The following RER1 variants were observed in gnomAD, a reference collection of about 807,000 sequenced individuals.
The protein encoded by RER1 is retention in endoplasmic reticulum sorting receptor 1.
RER1 carries 6 observed loss-of-function variants against 28.3 expected under a neutral mutation model. The ratio of observed to expected loss-of-function variants is 0.21; its 90% CI spans 0.12 to 0.42. RER1 has a LOEUF of 0.42. RER1 is among the 10% of genes least tolerant of loss of function. RER1 has a pLI of 1.00. For missense variants in RER1, 159 were observed against 252.9 expected (o/e 0.63, Z 2.52); for synonymous variants, 110 against 95.9 (o/e 1.15, Z -0.86).
intron 2 of RER1, 46 bp from the exon 3 acceptor site, chr1:2,397,070 G>A: frequency 7.6e-7 from 1 of 1,322,644 alleles, no homozygotes; most frequent in East Asian, 2.3e-5. Flanking sequence ...GGTCAGTACA[G>A]AAGTTACAGG....
rs1642923240 is a variant in RER1, at chr1:2,404,243, G to A, written c.*1119G>A. On this transcript the variant is annotated 3_prime_UTR_variant, in exon 7 of 7. Transcript: ENST00000605895. ...AGTGTCTGGATTTTCTTGTACCAGT[G>A]TTTACATATCTGACATCGAGCTCCT... is the stretch of plus-strand genomic sequence containing the variant. The A allele has an allele frequency of 6.6e-6, 1 of 152,206 alleles. No individual in the cohort carries two copies. Among genetic ancestry groups the A allele is most frequent in the African/African-American group, 2.4e-5 (1 of 41,434 alleles). The allele number at this position is 152,206 out of a possible 1,614,324, so 9.4% of individuals were successfully genotyped here.
At position 2,397,420 on chromosome 1, in the gene RER1, C is replaced by T. The variant is rs150894129; in HGVS notation, c.186+200C>T. Among the ~76,000 whole-genome samples the T allele has an allele frequency of 1.4e-4, 21 of 152,328 alleles. No individual in the cohort carries two copies. The East Asian group carries it at 3.3e-3, about 24-fold the overall frequency. The stretch of plus-strand genomic sequence containing the variant: ...GTTTATGATTCACCCGGAGTCGCCT[C>T]GCCAGGCTTCTCAGTATACCCAGGC... On this transcript the variant is annotated intron_variant, in intron 3 of 6. Coordinates refer to ENST00000605895, the MANE Select transcript of RER1 (RefSeq NM_007033.5).
At chr1:2,395,975 T>A in intron 2 of RER1, 104 bp downstream of exon 2, 3 of 899,574 alleles carry the variant, frequency 3.3e-6, no homozygotes, top group Non-Finnish European at 5.5e-6. Flanking sequence ...ATGGAGAAGT[T>A]ACTTCGCCTC....
chr1:2,396,149 CAGGACAGAT>C, intron 2 of RER1: 1 of 423,322 alleles, frequency 2.4e-6, no homozygotes, highest in South Asian at 2.4e-5. Flanking sequence ...AGCTCCCAGG[CAGGACAGAT>C]GCGGCCGTGG....
intron 3 of RER1, among the ~76,000 whole-genome samples, chr1:2,397,773 G>A (rs4648838): frequency 0.029 from 4,351 of 152,222 alleles, 80 homozygotes; most frequent in Non-Finnish European, 0.044. Context: ...AGGTGATGTC[G>A]TCTCAGACTT....
chr1:2,395,735 ACACCC>A, intron 1 of RER1, 44 bp from the exon 2 acceptor site: 1 of 1,341,488 alleles, frequency 7.5e-7, no homozygotes, highest in Non-Finnish European at 1.1e-6. Context: ...CCAGGATTTC[ACACCC>A]GTGAATGCTT....
intron 1 of RER1, chr1:2,395,251 G>T: frequency 6.3e-6 from 1 of 158,116 alleles, no homozygotes; most frequent in Non-Finnish European, 1.4e-5. Flanking sequence ...CAGATGGATG[G>T]ACTACCTGAG....
chr1:2,400,205 TC>T (rs1330659835), intron 4 of RER1, among the ~76,000 whole-genome samples: 1 of 152,222 alleles, frequency 6.6e-6, no homozygotes, highest in Non-Finnish European at 1.5e-5. Context: ...AGGACCCTCC[TC>T]GTTCTGGGGG....
intron 4 of RER1, among the ~76,000 whole-genome samples, chr1:2,399,887 CT>C (rs1171426385): frequency 6.6e-6 from 1 of 152,220 alleles, no homozygotes; most frequent in African/African-American, 2.4e-5. Flanking sequence ...ACGAGGTTAC[CT>C]TTTCCCGTAG....
rs2100414582 is a variant in RER1 at position 2,404,471 on chromosome 1, T to C, written c.*1347T>C. 1 of 152,346 alleles carries C rather than the reference T, an allele frequency of 6.6e-6. No homozygotes were observed. The highest frequency in any genetic ancestry group is 1.5e-5 in the Non-Finnish European group (1 of 68,040). The allele number at this position is 152,346 out of a possible 1,614,324, so 9.4% of individuals were successfully genotyped here. A position where few individuals can be genotyped will look rare whatever the true frequency, so the allele number is the denominator to read the frequency against. On this transcript the variant is annotated 3_prime_UTR_variant, in exon 7 of 7. Transcript: ENST00000605895. ...TCGCACGCGCTTGGCCAGAGCACAG[T>C]GAAGCAAAGGACTGGGTGCTGATGG...
At chr1:2,400,529 C>T (rs933571695) in intron 4 of RER1, among the ~76,000 whole-genome samples, 2 of 152,216 alleles carry the variant, frequency 1.3e-5, no homozygotes, top group African/African-American at 2.4e-5. Context: ...TTCTCTGCCG[C>T]TTGCTTTTTA....
chr1:2,399,903 AG>A (rs1165678896), intron 4 of RER1, among the ~76,000 whole-genome samples: 2 of 152,210 alleles, frequency 1.3e-5, no homozygotes, highest in Non-Finnish European at 2.9e-5. Context: ...CCGTAGCCAG[AG>A]GGTTCCACAG....
intron 1 of RER1, 62 bp from the exon 2 acceptor site, chr1:2,395,722 G>C (rs949416075): frequency 2.6e-6 from 3 of 1,159,624 alleles, no homozygotes; most frequent in Non-Finnish European, 3.9e-6. Context: ...GGTGAAAATA[G>C]GGCCAGGATT....
At chr1:2,395,938 G>T in intron 2 of RER1, 67 bp downstream of exon 2, 1 of 1,236,584 alleles carries the variant, frequency 8.1e-7, no homozygotes, top group South Asian at 1.2e-5. Flanking sequence ...AGCATTTTCG[G>T]GAAGGATCTG....
At chr1:2,400,273 C>T (rs1019071137) in intron 4 of RER1, among the ~76,000 whole-genome samples, 1 of 152,248 alleles carries the variant, frequency 6.6e-6, no homozygotes, top group Non-Finnish European at 1.5e-5. Context: ...GCCTGTGAGT[C>T]TTCTGTGTAG....
intron 2 of RER1, 98 bp downstream of exon 2, chr1:2,395,969 A>C: frequency 2.1e-6 from 2 of 948,016 alleles, no homozygotes; most frequent in Non-Finnish European, 3.4e-6. Context: ...TTCCTGATGG[A>C]GAAGTTACTT....
rs963442536 is a variant in RER1, at chr1:2,405,352, C to T, written c.*2228C>T. 27 of 350,062 alleles carry T rather than the reference C, an allele frequency of 7.7e-5. No homozygotes were observed. Among genetic ancestry groups the T allele is most frequent in the Middle Eastern group, 1.0e-3 (1 of 988 alleles). The allele number at this position is 350,062 out of a possible 1,614,324, so 21.7% of individuals were successfully genotyped here. A position where few individuals can be genotyped will look rare whatever the true frequency, so the allele number is the denominator to read the frequency against. ...CCTCCGTGCCCCACCCCACCCAGCA[C>T]GCACTCATTCAGTCCATTGCCTTAA... is the stretch of plus-strand genomic sequence containing the variant. On this transcript the variant is annotated 3_prime_UTR_variant, in exon 7 of 7. Transcript: ENST00000605895.
intron 4 of RER1, among the ~76,000 whole-genome samples, chr1:2,399,804 G>A (rs1570081034): frequency 6.6e-6 from 1 of 152,202 alleles, no homozygotes; most frequent in East Asian, 1.9e-4. Context: ...GGGGTCTGAG[G>A]TGGACAGTCC....
At chr1:2,392,222 C>T (rs1642687506) in intron 1 of RER1, among the ~76,000 whole-genome samples, 2 of 151,974 alleles carry the variant, frequency 1.3e-5, no homozygotes, top group African/African-American at 4.8e-5. Flanking sequence ...GGGAGAGGGG[C>T]CGGGCGGGGG....
Sources: allele counts gnomAD v4.1 joint callset (sites outside exome capture counted in the v4.1 genomes callset), GRCh38; gene constraint gnomAD v4.1.1; transcripts MANE v1.5; gene names NCBI Gene and HGNC (gene_info 2026-07-23, HGNC 2026-07-21).